RNLS: variants seen among roughly 807,000 people sequenced by gnomAD.
RNLS encodes renalase.
A neutral mutation model predicts 39.8 loss-of-function variants in RNLS; 39 were observed. The observed-to-expected ratio is 0.98, with a 90% CI of 0.76 to 1.28. RNLS has a LOEUF of 1.28. RNLS is among the 50% of genes most tolerant of loss of function. The pLI is 0.00. For missense variants in RNLS, 410 were observed against 413.3 expected (o/e 0.99, Z 0.07); for synonymous variants, 147 against 150.7 (o/e 0.98, Z 0.18).
intron 5 of RNLS, among the ~76,000 whole-genome samples, chr10:88,344,949 T>C (rs1280916065): frequency 6.6e-6 from 1 of 152,114 alleles, no homozygotes; most frequent in Non-Finnish European, 1.5e-5. Context: ...GTACAGTACA[T>C]ATGGATTCTT....
the RNLS span, among the ~76,000 whole-genome samples, chr10:88,193,658 G>T: frequency 8.5e-5 from 13 of 152,088 alleles, no homozygotes; most frequent in African/African-American, 3.1e-4. Context: ...GGGACAGCCA[G>T]GTTCCCCTCT....
intron 4 of RNLS, among the ~76,000 whole-genome samples, chr10:88,391,175 T>C (rs1190182020): frequency 6.6e-6 from 1 of 152,220 alleles, no homozygotes; most frequent in Non-Finnish European, 1.5e-5. Context: ...TCTTCCAGTG[T>C]AGTTGTCCCC....
intron 4 of RNLS, among the ~76,000 whole-genome samples, chr10:88,543,986 G>C (rs1325902): frequency 6.6e-6 from 1 of 152,124 alleles, no homozygotes; most frequent in Admixed American, 6.6e-5. Context: ...CAGCAGTTTA[G>C]GTCTGTAGAG....
rs574885831 is a variant in RNLS at position 88,445,524 on chromosome 10, T to C, written c.527-82799A>G. ...CAATTAAAAGACACAGACTGGCAAA[T>C]TGGATAGAGTCAAGACTCATCAGTG... On this transcript the variant is annotated intron_variant, in intron 4 of 6. Transcript: ENST00000331772. Among the ~76,000 whole-genome samples the C allele has an allele frequency of 3.7e-4, 56 of 152,218 alleles. 1 individual carries two copies. Among genetic ancestry groups the C allele is most frequent in the African/African-American group, 1.3e-3 (54 of 41,526 alleles).
At chr10:88,385,983 G>A (rs1386763861) in intron 4 of RNLS, among the ~76,000 whole-genome samples, 6 of 152,162 alleles carry the variant, frequency 3.9e-5, no homozygotes, top group East Asian at 3.8e-4. Flanking sequence ...CACAAAGTCC[G>A]ACAGAGATTG....
chr10:88,484,465 G>T (rs184186601), intron 4 of RNLS, among the ~76,000 whole-genome samples: 4 of 152,066 alleles, frequency 2.6e-5, no homozygotes. Context: ...GGGACAGGAA[G>T]GATAAGTGAA....
At chr10:88,299,818 T>C (rs1418230690) in intron 6 of RNLS, among the ~76,000 whole-genome samples, 2 of 152,222 alleles carry the variant, frequency 1.3e-5, no homozygotes, top group Non-Finnish European at 2.9e-5. Context: ...GTTCACTAGT[T>C]CTTTAAGAAA....
intron 6 of RNLS, among the ~76,000 whole-genome samples, chr10:88,298,819 G>T (rs1240232865): frequency 6.6e-6 from 1 of 152,042 alleles, no homozygotes; most frequent in Non-Finnish European, 1.5e-5. Context: ...GGGGGTCCTT[G>T]TGGTTCCGTA....
the RNLS span, among the ~76,000 whole-genome samples, chr10:88,172,529 G>T: frequency 2.6e-5 from 4 of 152,066 alleles, no homozygotes; most frequent in South Asian, 4.2e-4. Context: ...TGGATTATTT[G>T]TATTTTTTTA....
At chr10:88,474,891 G>C (rs1843724807) in intron 4 of RNLS, among the ~76,000 whole-genome samples, 1 of 152,110 alleles carries the variant, frequency 6.6e-6, no homozygotes, top group South Asian at 2.1e-4. Flanking sequence ...CCTGAGACTG[G>C]GGAAAAGCAG....
intron 4 of RNLS, among the ~76,000 whole-genome samples, chr10:88,504,421 T>C (rs1012251431): frequency 1.3e-5 from 2 of 152,062 alleles, no homozygotes; most frequent in Admixed American, 6.6e-5. Flanking sequence ...TAAATAGGGG[T>C]AAATGTTTAT....
At chr10:88,197,519 A>C in the RNLS span, among the ~76,000 whole-genome samples, 3 of 152,170 alleles carry the variant, frequency 2.0e-5, no homozygotes, top group South Asian at 2.1e-4. Flanking sequence ...TTCTAACAAC[A>C]ACCACCGCAA....
chr10:88,295,384 G>A (rs190534082), intron 6 of RNLS, among the ~76,000 whole-genome samples: 3 of 152,152 alleles, frequency 2.0e-5, no homozygotes, highest in Non-Finnish European at 2.9e-5. Flanking sequence ...ATCAACACAC[G>A]GGTGCTTTCC....
chr10:88,401,351 C>T (rs1162765955), intron 4 of RNLS, among the ~76,000 whole-genome samples: 3 of 151,934 alleles, frequency 2.0e-5, no homozygotes, highest in Admixed American at 6.6e-5. Context: ...AAATTCGGTC[C>T]TAGAAAACAT....
chr10:88,471,574 C>T (rs774444480), intron 4 of RNLS, among the ~76,000 whole-genome samples: 1 of 152,104 alleles, frequency 6.6e-6, no homozygotes, highest in South Asian at 2.1e-4. Flanking sequence ...AGAGGTGTCA[C>T]GAGTTCCCAA....
chr10:88,351,877 T>G (rs1848739727), intron 5 of RNLS, among the ~76,000 whole-genome samples: 1 of 152,180 alleles, frequency 6.6e-6, no homozygotes, highest in South Asian at 2.1e-4. Flanking sequence ...TCTTTTATTT[T>G]GTTGAGTAGT....
the RNLS span, among the ~76,000 whole-genome samples, chr10:88,242,542 G>GT: frequency 3.2e-3 from 488 of 151,898 alleles, 1 homozygote; most frequent in Middle Eastern, 6.8e-3. Flanking sequence ...AAAAATCTCT[G>GT]TTTTTTTTCT....
At chr10:88,341,225 A>G (rs1254732698) in intron 5 of RNLS, among the ~76,000 whole-genome samples, 1 of 148,356 alleles carries the variant, frequency 6.7e-6, no homozygotes, top group East Asian at 2.1e-4. Context: ...GCTACTTGGG[A>G]GGCTGAGGCA....
At chr10:88,445,037 T>C (rs1187228301) in intron 4 of RNLS, among the ~76,000 whole-genome samples, 1 of 151,824 alleles carries the variant, frequency 6.6e-6, no homozygotes, top group Admixed American at 6.6e-5. Context: ...AAAGTTGAAA[T>C]GACCGAAAAA....
Sources: allele counts gnomAD v4.1 joint callset (sites outside exome capture counted in the v4.1 genomes callset), GRCh38; gene constraint gnomAD v4.1.1; transcripts MANE v1.5; gene names NCBI Gene and HGNC (gene_info 2026-07-23, HGNC 2026-07-21).